Variants in ITGA1 observed in about 807,000 individuals in gnomAD.
ITGA1 encodes the protein integrin alpha-1.
ITGA1 carries 85 observed loss-of-function variants against 145.9 expected under a neutral mutation model. The observed-to-expected ratio is 0.58, with a 90% confidence interval of 0.49 to 0.70. ITGA1 has a LOEUF of 0.70. ITGA1 is among the 30% of genes least tolerant of loss of function. The probability of loss-of-function intolerance (pLI) is 0.00; values close to 1 mark genes in which losing one functional copy is unlikely to be tolerated. For synonymous variants in ITGA1, 520 were observed against 495.3 expected, an observed-to-expected ratio of 1.05 and a Z score of -0.66; for missense variants, 1,351 against 1,418.7, an observed-to-expected ratio of 0.95 and a Z score of 0.77.
At chr5:52,830,113 C>T (rs992606174) in intron 1 of ITGA1, among the ~76,000 whole-genome samples, 1 of 152,020 alleles carries the variant, frequency 6.6e-6, no homozygotes, top group African/African-American at 2.4e-5. Context: ...ATAAAAAAGC[C>T]AGTAGGGTAT....
rs1749657404 is a variant in ITGA1, at chr5:52,864,772, C to A, written c.305C>A (p.Ser102Ter). ...CVKLDLPVNT[S>*]IPNVTEVKEN... ...TTTGTTCTATTTTTAGTTAATACATCAATTCCCAATGTCACAGAAGTAAAG... is the reference window on the plus strand; with the variant it reads ...TTTGTTCTATTTTTAGTTAATACATAAATTCCCAATGTCACAGAAGTAAAG... Residue 102 changes from serine (S) to a stop codon, truncating the protein, a stop_gained, in exon 4 of 29, where the codon TCA becomes TAA. Coordinates refer to ENST00000282588, the MANE Select transcript of ITGA1 (RefSeq NM_181501.2). LOFTEE classifies it high-confidence loss of function. 1.2e-6 allele frequency: 2 copies of A among 1,605,166 alleles called. No individual in the cohort carries two copies. Among genetic ancestry groups the A allele is most frequent in the African/African-American group, 2.7e-5 (2 of 74,650 alleles).
intron 2 of ITGA1, among the ~76,000 whole-genome samples, chr5:52,861,088 TA>T (rs1348091414): frequency 2.6e-5 from 4 of 151,974 alleles, no homozygotes; most frequent in Non-Finnish European, 4.4e-5. Context: ...AGTACCCCAA[TA>T]AAAAATATGA....
At position 52,865,791 on chromosome 5, in the gene ITGA1, A is replaced by G; in HGVS notation, c.598A>G (p.Met200Val). ...TAFLNDLLERMDIGPKQTQVG... is the reference protein window; with the variant it reads ...TAFLNDLLERVDIGPKQTQVG... ...TTTTTTAAATGACCTTCTTGAAAGA[A>G]TGGATATTGGTCCTAAACAGACACA... The change falls in exon 6 of 29, where the codon ATG (methionine) becomes GTG (valine). Residue 200 changes from methionine (M) to valine (V), a missense_variant. Coordinates refer to ENST00000282588, the MANE Select transcript of ITGA1 (RefSeq NM_181501.2). 1 of 1,602,810 alleles carries G rather than the reference A, an allele frequency of 6.2e-7. No individual in the cohort carries two copies.
intron 1 of ITGA1, among the ~76,000 whole-genome samples, chr5:52,797,931 C>T (rs1748376825): frequency 1.3e-5 from 2 of 152,170 alleles, no homozygotes; most frequent in Non-Finnish European, 2.9e-5. Context: ...GATTCTGTGG[C>T]TTTTAATCTT....
At chr5:52,915,120 A>G (rs925066790) in intron 14 of ITGA1, among the ~76,000 whole-genome samples, 1 of 152,128 alleles carries the variant, frequency 6.6e-6, no homozygotes, top group East Asian at 1.9e-4. Context: ...GATTTCCAGT[A>G]CCTTTAGATA....
At chr5:52,874,404 C>T (rs368067298) in intron 6 of ITGA1, among the ~76,000 whole-genome samples, 4 of 148,976 alleles carry the variant, frequency 2.7e-5, no homozygotes, top group East Asian at 4.0e-4. Flanking sequence ...TTTGGTGTCT[C>T]GGTGGGGACA....
chr5:52,950,579 G>T (rs1028845244), intron 28 of ITGA1, among the ~76,000 whole-genome samples: 7 of 152,078 alleles, frequency 4.6e-5, no homozygotes, highest in African/African-American at 1.7e-4. Flanking sequence ...AAACTCTATT[G>T]GTTTCAAATT....
Position 52,882,006 on chromosome 5 carries a change from G to A in ITGA1, c.758G>A (p.Gly253Glu). ...RGGRQTMTAL[G>E]IDTARKEAFT... ...GGCCGCCAGACTATGACAGCTCTTG[G>A]AATAGACACAGCAAGGTATATGGAT... Residue 253 changes from glycine (G) to glutamate (E), a missense_variant, in exon 7 of 29, where the codon GGA becomes GAA. Coordinates refer to ENST00000282588, the MANE Select transcript of ITGA1 (RefSeq NM_181501.2). 1.2e-6 allele frequency: 2 copies of A among 1,610,780 alleles called. No homozygotes were observed. The highest frequency in any genetic ancestry group is 1.7e-6 in the Non-Finnish European group (2 of 1,178,412).
chr5:52,939,610 T>G lies in ITGA1; in HGVS notation c.3099T>G (p.His1033Gln). 2 of 1,612,158 alleles carry G rather than the reference T, an allele frequency of 1.2e-6. No homozygotes were observed. Among genetic ancestry groups the G allele is most frequent in the Non-Finnish European group, 1.7e-6 (2 of 1,178,338 alleles). ...TCTAGAATGCAAACTGCAGACCCCA[T>G]ATCTTTGAGGATCCTTTCAGTATCA... Reference protein sequence around the residue: ...SSSENANCRPHIFEDPFSINS... With the variant: ...SSSENANCRPQIFEDPFSINS... Residue 1033 changes from histidine to glutamine, a missense_variant, in exon 25 of 29, where the codon CAT becomes CAG. Transcript: ENST00000282588.
intron 14 of ITGA1, among the ~76,000 whole-genome samples, chr5:52,912,617 ATAT>A (rs1367814955): frequency 6.9e-6 from 1 of 144,130 alleles, no homozygotes; most frequent in Non-Finnish European, 1.5e-5. Context: ...TATCCACTAT[ATAT>A]TATATATAGT....
At chr5:52,848,728 TC>T (rs1371691401) in intron 1 of ITGA1, among the ~76,000 whole-genome samples, 1 of 117,208 alleles carries the variant, frequency 8.5e-6, no homozygotes, top group Non-Finnish European at 1.8e-5. Context: ...CCCTCCCCCC[TC>T]CCCCCACCAC....
chr5:52,818,939 A>C (rs1748821737), intron 1 of ITGA1, among the ~76,000 whole-genome samples: 1 of 152,222 alleles, frequency 6.6e-6, no homozygotes, highest in African/African-American at 2.4e-5. Context: ...ACAATGGTTT[A>C]TTTTGCTCAT....
chr5:52,870,735 C>T (rs935249911), intron 6 of ITGA1, among the ~76,000 whole-genome samples: 1 of 152,116 alleles, frequency 6.6e-6, no homozygotes, highest in African/African-American at 2.4e-5. Flanking sequence ...AAGCAAGAGC[C>T]AGTGTGAGGT....
chr5:52,822,317 T>C (rs2059203), intron 1 of ITGA1, among the ~76,000 whole-genome samples: 38,984 of 152,128 alleles, frequency 0.26, 5,344 homozygotes, highest in Non-Finnish European at 0.3. Flanking sequence ...AGTTACTCTA[T>C]TCAAATAAAC....
intron 21 of ITGA1, among the ~76,000 whole-genome samples, chr5:52,930,159 C>T (rs1453933961): frequency 3.3e-5 from 5 of 152,114 alleles, no homozygotes; most frequent in African/African-American, 1.2e-4. Flanking sequence ...CACAGACTAA[C>T]AACAGCAAAG....
chr5:52,939,766 A>G, intron 25 of ITGA1, 74 bp from the exon 26 acceptor site: 1 of 1,431,660 alleles, frequency 7.0e-7, no homozygotes, highest in Non-Finnish European at 9.8e-7. Flanking sequence ...AGAAATAACC[A>G]TCTGAAGAAT....
intron 8 of ITGA1, 95 bp downstream of exon 8, chr5:52,888,060 T>G: frequency 1.5e-6 from 2 of 1,306,652 alleles, no homozygotes; most frequent in Non-Finnish European, 2.1e-6. Flanking sequence ...CAAACCAGGT[T>G]GGAAAAGAGA....
In ITGA1 at chr5:52,925,298, T is replaced by C. The variant is rs2111879043; in HGVS notation, c.2424T>C (p.Cys808=). ...TTCAGATTCCCTTTGCCAAAGATTG[T>C]GGAAATAAGGAAAAATGTATCTCAG... ...VHEYIPFAKD[C]GNKEKCISDL... The change falls in exon 19 of 29, where the codon TGT becomes TGC. Residue 808 remains cysteine, a synonymous_variant. Coordinates refer to ENST00000282588, the MANE Select transcript of ITGA1 (RefSeq NM_181501.2). The C allele has an allele frequency of 3.1e-6, 5 of 1,613,970 alleles. No individual in the cohort carries two copies. Among genetic ancestry groups the C allele is most frequent in the East Asian group, 2.2e-5 (1 of 44,852 alleles).
intron 22 of ITGA1, chr5:52,933,248 G>A (rs1482822951): frequency 6.6e-6 from 1 of 151,980 alleles, no homozygotes; most frequent in Non-Finnish European, 1.5e-5. Flanking sequence ...TGTAGATTGT[G>A]CTAATATTTC....
Sources: allele counts gnomAD v4.1 joint callset (sites outside exome capture counted in the v4.1 genomes callset), GRCh38; gene constraint gnomAD v4.1.1; transcripts MANE v1.5; gene names NCBI Gene and HGNC (gene_info 2026-07-23, HGNC 2026-07-21).